NPSR1: variants seen among roughly 807,000 people sequenced by gnomAD.
NPSR1 encodes neuropeptide S receptor 1.
NPSR1 carries 48 observed loss-of-function variants against 46.9 expected under a neutral mutation model. The observed-to-expected ratio is 1.02, with a 90% CI of 0.81 to 1.30. The LOEUF is 1.30. Among genes scored for constraint, NPSR1 ranks in the 50% most tolerant of loss-of-function variants. NPSR1 has a pLI of 0.00. For synonymous variants in NPSR1, 176 were observed against 168.1 expected (o/e 1.05, Z -0.36); for missense variants, 450 against 449.5 (o/e 1.00, Z -0.01).
At chr7:34,851,305 CT>C (rs11337710), downstream of NPSR1, among the ~76,000 whole-genome samples, 3,283 of 135,814 alleles carry the variant, frequency 0.024, 69 homozygotes, top group African/African-American at 0.055. Context: ...GTCATGTGGG[CT>C]TTTTTTTTTT....
At chr7:34,711,910 G>A (rs1038139452) in intron 2 of NPSR1, among the ~76,000 whole-genome samples, 1 of 152,200 alleles carries the variant, frequency 6.6e-6, no homozygotes, top group African/African-American at 2.4e-5. Context: ...GCCTTGCCAA[G>A]GTTTGCAAAA....
intron 2 of NPSR1, among the ~76,000 whole-genome samples, chr7:34,691,864 C>T (rs1793278760): frequency 6.6e-6 from 1 of 152,050 alleles, no homozygotes; most frequent in Non-Finnish European, 1.5e-5. Flanking sequence ...TCTTGTAATC[C>T]CAGCACTTTG....
chr7:34,812,092 A>G (rs1327616736), intron 4 of NPSR1, among the ~76,000 whole-genome samples: 3 of 152,178 alleles, frequency 2.0e-5, no homozygotes, highest in Non-Finnish European at 4.4e-5. Flanking sequence ...GATGGTTCCC[A>G]TGGACAGCCC....
chr7:34,748,098 A>G (rs1298564394), intron 2 of NPSR1, among the ~76,000 whole-genome samples: 1 of 152,106 alleles, frequency 6.6e-6, no homozygotes, highest in African/African-American at 2.4e-5. Context: ...AAGGAGTTGG[A>G]CCTCTGCCAG....
intron 2 of NPSR1, among the ~76,000 whole-genome samples, chr7:34,718,633 T>C (rs1783696557): frequency 6.6e-6 from 1 of 152,180 alleles, no homozygotes; most frequent in Admixed American, 6.5e-5. Context: ...ACATTGAAGA[T>C]CAAGGAATCT....
intron 6 of NPSR1, among the ~76,000 whole-genome samples, chr7:34,838,789 TG>T (rs1790468196): frequency 6.6e-6 from 1 of 152,176 alleles, no homozygotes; most frequent in South Asian, 2.1e-4. Flanking sequence ...GTGGAGGAGA[TG>T]GGGTTTCCAA....
At chr7:34,803,313 A>G (rs1225496322) in intron 3 of NPSR1, among the ~76,000 whole-genome samples, 1 of 152,084 alleles carries the variant, frequency 6.6e-6, no homozygotes, top group African/African-American at 2.4e-5. Flanking sequence ...ACTTGGAACC[A>G]ACCCAAATGT....
At chr7:34,727,109 T>C (rs1236532632) in intron 2 of NPSR1, among the ~76,000 whole-genome samples, 1 of 152,116 alleles carries the variant, frequency 6.6e-6, no homozygotes. Flanking sequence ...GGGTTGTGCA[T>C]GTGTGGGAGC....
intron 2 of NPSR1, among the ~76,000 whole-genome samples, chr7:34,764,875 G>C (rs930003970): frequency 2.0e-5 from 3 of 152,152 alleles, no homozygotes; most frequent in Non-Finnish European, 4.4e-5. Context: ...TAAGGCCCAG[G>C]CACACTGGCC....
intron 3 of NPSR1, among the ~76,000 whole-genome samples, chr7:34,790,908 A>ATG (rs1787760866): frequency 7.5e-6 from 1 of 133,248 alleles, no homozygotes; most frequent in African/African-American, 2.8e-5. Context: ...TATATGTTAT[A>ATG]TTATATATCA....
chr7:34,754,670 A>T (rs967905163), intron 2 of NPSR1, among the ~76,000 whole-genome samples: 1 of 152,242 alleles, frequency 6.6e-6, no homozygotes, highest in Admixed American at 6.5e-5. Flanking sequence ...ACCCATTAAA[A>T]GTATAAAACT....
intron 2 of NPSR1, among the ~76,000 whole-genome samples, chr7:34,737,173 G>C (rs778409594): frequency 8.5e-5 from 13 of 152,230 alleles, no homozygotes; most frequent in East Asian, 1.9e-4. Context: ...CACCTGAAAA[G>C]TATGAGTAAA....
At chr7:34,710,872 G>C in intron 2 of NPSR1, 1 of 446,196 alleles carries the variant, frequency 2.2e-6, no homozygotes, top group East Asian at 5.6e-5. Context: ...TTTGCCTCAA[G>C]AGATGCTTCC....
intron 8 of NPSR1, 133 bp downstream of exon 8, chr7:34,848,796 A>T: frequency 1.3e-6 from 1 of 795,646 alleles, no homozygotes; most frequent in Non-Finnish European, 2.0e-6. Flanking sequence ...GAGGCTTGAG[A>T]GTCAGAAAGA....
intron 2 of NPSR1, among the ~76,000 whole-genome samples, chr7:34,699,146 C>T (rs189092904): frequency 6.6e-6 from 1 of 152,214 alleles, no homozygotes; most frequent in Non-Finnish European, 1.5e-5. Flanking sequence ...AAAGAGGCTG[C>T]TGGCTCAAGC....
intron 2 of NPSR1, among the ~76,000 whole-genome samples, chr7:34,743,330 T>C (rs767763202): frequency 6.6e-6 from 1 of 152,192 alleles, no homozygotes; most frequent in Non-Finnish European, 1.5e-5. Context: ...TTGTATGTGG[T>C]GTAAGGAAGG....
chr7:34,736,731 G>A (rs1171894443), intron 2 of NPSR1, among the ~76,000 whole-genome samples: 1 of 152,050 alleles, frequency 6.6e-6, no homozygotes, highest in East Asian at 1.9e-4. Flanking sequence ...CTCCCAAGCA[G>A]CTAGGACTAT....
rs1206867386 is a variant in NPSR1, at chr7:34,751,665, A to G, written c.281-26797A>G. 9 of 1,592,990 alleles carry G rather than the reference A, an allele frequency of 5.6e-6. No homozygotes were observed. In the African/African-American group the frequency reaches 8.1e-5, roughly 14 times the overall value. On this transcript the variant is annotated intron_variant, in intron 2 of 8. Coordinates refer to ENST00000360581, the MANE Select transcript of NPSR1 (RefSeq NM_207172.2). ...CCAGCTGCTGCAGAGCCACATCCCC[A>G]GCCAGGGACAAGAGGTTCATCAACA...
At chr7:34,792,625 G>A (rs1334722145) in intron 3 of NPSR1, among the ~76,000 whole-genome samples, 2 of 102,856 alleles carry the variant, frequency 1.9e-5, no homozygotes, top group African/African-American at 3.4e-5. Flanking sequence ...GTGTATATGT[G>A]TGTGTGTGTG....
Sources: allele counts gnomAD v4.1 joint callset (sites outside exome capture counted in the v4.1 genomes callset), GRCh38; gene constraint gnomAD v4.1.1; transcripts MANE v1.5; gene names NCBI Gene and HGNC (gene_info 2026-07-23, HGNC 2026-07-21).